Variants in ZMYND11 observed in about 807,000 individuals in gnomAD.
ZMYND11 encodes zinc finger MYND domain-containing protein 11.
A neutral mutation model predicts 84.9 loss-of-function variants in ZMYND11; 9 were observed. The observed-to-expected ratio is 0.11, with a 90% CI of 0.06 to 0.18. The LOEUF is 0.18. Ranked by LOEUF, ZMYND11 falls within the 10% of genes least tolerant of loss-of-function variation. The pLI is 1.00. For synonymous variants in ZMYND11, 250 were observed against 244.1 expected (o/e 1.02, Z -0.23); for missense variants, 409 against 761.0 (o/e 0.54, Z 5.44).
intron 2 of ZMYND11, among the ~76,000 whole-genome samples, chr10:184,887 C>T (rs925153578): frequency 7.0e-6 from 1 of 142,506 alleles, no homozygotes; most frequent in African/African-American, 2.5e-5. Flanking sequence ...GGTTTTTCTC[C>T]ATCTTTTCCC....
At chr10:221,100 G>A in intron 3 of ZMYND11, 95 bp from the exon 4 acceptor site, 1 of 1,083,600 alleles carries the variant, frequency 9.2e-7, no homozygotes, top group Non-Finnish European at 1.4e-6. Flanking sequence ...TGTTTATGAT[G>A]CCTAACTTCT....
At chr10:189,490 C>T (rs1416481595) in intron 2 of ZMYND11, among the ~76,000 whole-genome samples, 1 of 152,114 alleles carries the variant, frequency 6.6e-6, no homozygotes, top group Non-Finnish European at 1.5e-5. Flanking sequence ...CACAGAATTG[C>T]CTGTTGTATT....
At position 252,258 on chromosome 10, in the gene ZMYND11, A is replaced by G; in HGVS notation, c.1687-90A>G. 1 of 1,469,114 alleles carries G rather than the reference A, an allele frequency of 6.8e-7. No homozygotes were observed. The highest frequency in any genetic ancestry group is 9.3e-7 in the Non-Finnish European group (1 of 1,079,708). 91.0% of individuals were successfully genotyped at this position (1,469,114 alleles called of 1,614,324 possible). Reference sequence around the variant, plus strand: ...AAAGGTTGAGCCAGAAAGATCTTTTAAAAGCACCACCTCAAGAGTTTGCCA... The same window carrying G: ...AAAGGTTGAGCCAGAAAGATCTTTTGAAAGCACCACCTCAAGAGTTTGCCA... On this transcript the variant is annotated intron_variant, in intron 14 of 14. Transcript: ENST00000381604. This position sits in a 1 kb window ranked among gnomAD's most constrained non-coding sequence, Gnocchi z 4.6.
intron 1 of ZMYND11, among the ~76,000 whole-genome samples, chr10:143,247 T>C (rs1320802180): frequency 6.6e-6 from 1 of 152,340 alleles, no homozygotes; most frequent in South Asian, 2.1e-4. Context: ...CACCCACAGA[T>C]TGAGATCATC....
At chr10:248,837 G>A (rs1027355319) in intron 13 of ZMYND11, 66 bp from the exon 14 acceptor site, 2 of 1,533,280 alleles carry the variant, frequency 1.3e-6, no homozygotes, top group Non-Finnish European at 1.8e-6. Context: ...TTAAGTTTCT[G>A]TTCCAGTGTA....
intron 4 of ZMYND11, among the ~76,000 whole-genome samples, chr10:235,410 C>G (rs577677153): frequency 1.3e-5 from 2 of 152,028 alleles, no homozygotes; most frequent in African/African-American, 4.8e-5. Context: ...TGTCTCCCCC[C>G]GCCCCCACCA....
At chr10:188,728 A>G (rs1264451229) in intron 2 of ZMYND11, among the ~76,000 whole-genome samples, 1 of 152,192 alleles carries the variant, frequency 6.6e-6, no homozygotes, top group Admixed American at 6.5e-5. Context: ...AATCCAAACA[A>G]ATTAGTCACA....
intron 1 of ZMYND11, among the ~76,000 whole-genome samples, chr10:153,544 A>G (rs532705540): frequency 6.6e-6 from 1 of 152,334 alleles, no homozygotes; most frequent in South Asian, 2.1e-4. Flanking sequence ...TTTTATTGGC[A>G]TACATTCTAT....
chr10:206,465 A>G (rs545479908), intron 2 of ZMYND11, among the ~76,000 whole-genome samples: 48 of 152,354 alleles, frequency 3.2e-4, no homozygotes, highest in Middle Eastern at 3.4e-3. Flanking sequence ...GAATTGAATT[A>G]AAATCTCATA....
chr10:165,894 A>G (rs1554763585), intron 1 of ZMYND11, among the ~76,000 whole-genome samples: 1 of 152,194 alleles, frequency 6.6e-6, no homozygotes. Flanking sequence ...TATGTAGTCT[A>G]GTAATAATAT....
At chr10:179,052 C>T (rs372274468) in intron 1 of ZMYND11, among the ~76,000 whole-genome samples, 1 of 152,210 alleles carries the variant, frequency 6.6e-6, no homozygotes, top group South Asian at 2.1e-4. Flanking sequence ...GCTTAATGTT[C>T]ACTGTATATT....
chr10:252,478 C>A lies in ZMYND11; in HGVS notation c.*8C>A, dbSNP rs773903266. ...TGCCGCCGGAAAAGATGAAGCTGGC[C>A]CTTCCCGGAGTCACCCCGATGATTA... On this transcript the variant is annotated 3_prime_UTR_variant, in exon 15 of 15. Transcript: ENST00000381604. This position sits in a 1 kb window ranked among gnomAD's most constrained non-coding sequence, Gnocchi z 4.6. 3.7e-6 allele frequency: 6 copies of A among 1,608,490 alleles called. No individual in the cohort carries two copies. Among genetic ancestry groups the A allele is most frequent in the Non-Finnish European group, 4.2e-6 (5 of 1,179,390 alleles).
intron 2 of ZMYND11, among the ~76,000 whole-genome samples, chr10:206,627 A>T (rs956435571): frequency 6.6e-6 from 1 of 151,822 alleles, no homozygotes; most frequent in Non-Finnish European, 1.5e-5. Context: ...CATTTTTATG[A>T]TATGCTTTTT....
At chr10:137,293 G>GGT (rs1836339102) in intron 1 of ZMYND11, among the ~76,000 whole-genome samples, 1 of 152,062 alleles carries the variant, frequency 6.6e-6, no homozygotes, top group Non-Finnish European at 1.5e-5. Context: ...GAGATACCCA[G>GGT]GTGGCCCATT....
At chr10:206,117 T>C (rs1246499801) in intron 2 of ZMYND11, among the ~76,000 whole-genome samples, 1 of 152,146 alleles carries the variant, frequency 6.6e-6, no homozygotes, top group South Asian at 2.1e-4. Context: ...CCCGGCACTT[T>C]GGGAGGCCGA....
At chr10:143,034 A>G (rs1837851832) in intron 1 of ZMYND11, among the ~76,000 whole-genome samples, 1 of 152,222 alleles carries the variant, frequency 6.6e-6, no homozygotes. Flanking sequence ...CACCAACACT[A>G]AAGTATTCTT....
chr10:222,585 G>A (rs1947310358), intron 4 of ZMYND11, among the ~76,000 whole-genome samples: 2 of 152,024 alleles, frequency 1.3e-5, no homozygotes, highest in South Asian at 4.1e-4. Flanking sequence ...GAGCAAAGGA[G>A]CTGTATTAAT....
Position 250,280 on chromosome 10 carries a change from AACTCTC to A in ZMYND11, c.1686+1195_1686+1200del, listed in dbSNP as rs1195276013. 4.6e-5 allele frequency among the ~76,000 whole-genome samples: 7 copies of A among 152,342 alleles called. 1 individual carries two copies. The highest frequency in any genetic ancestry group is 6.8e-3 in the Middle Eastern group (2 of 294). On this transcript the variant is annotated intron_variant, in intron 14 of 14. Transcript: ENST00000381604. The stretch of plus-strand genomic sequence containing the variant: ...CAAGAATGACTGAATTTGTGTGATC[AACTCTC>A]ACAATATCATTAGATGGGAATTAAG...
chr10:202,380 CAT>C (rs1564372931), intron 2 of ZMYND11, among the ~76,000 whole-genome samples: 1 of 152,062 alleles, frequency 6.6e-6, no homozygotes, highest in East Asian at 1.9e-4. Flanking sequence ...AGCAGGAAAA[CAT>C]AAATTCATCA....
Sources: allele counts gnomAD v4.1 joint callset (sites outside exome capture counted in the v4.1 genomes callset), GRCh38; gene constraint gnomAD v4.1.1; non-coding constraint Gnocchi (gnomAD v3.1); transcripts MANE v1.5; gene names NCBI Gene and HGNC (gene_info 2026-07-23, HGNC 2026-07-21).